The following TNFSF13B variants were observed in gnomAD, a reference collection of about 807,000 sequenced individuals.
TNFSF13B encodes the protein tumor necrosis factor ligand superfamily member 13B.
In TNFSF13B, 8 loss-of-function variants were observed where a neutral mutation model predicts 29.1. The observed-to-expected ratio is 0.27, with a 90% CI of 0.16 to 0.50. The LOEUF is 0.50. TNFSF13B is among the 20% of genes least tolerant of loss of function. TNFSF13B has a pLI of 0.98. For synonymous variants in TNFSF13B, 125 were observed against 130.8 expected (o/e 0.96, Z 0.30); for missense variants, 248 against 334.9 (o/e 0.74, Z 2.03).
intron 4 of TNFSF13B, 31 bp downstream of exon 4, chr13:108,303,396 G>C (rs780239808): frequency 6.2e-7 from 1 of 1,609,644 alleles, no homozygotes; most frequent in Non-Finnish European, 8.5e-7. Context: ...TGGTTTTACT[G>C]TTCAAAGCCT....
rs761252562 is a variant in TNFSF13B, at chr13:108,270,223, G to A, written c.328G>A (p.Ala110Thr). 1.6e-5 allele frequency: 25 copies of A among 1,605,080 alleles called. No homozygotes were observed. Among genetic ancestry groups the A allele is most frequent in the Non-Finnish European group, 2.1e-5 (25 of 1,177,924 alleles). Residue 110 changes from alanine to threonine, a missense_variant, in exon 1 of 6, where the codon GCG becomes ACG. Ala to Thr is a moderately conservative substitution (Grantham distance 58). Around this residue, in one of 2 missense-constraint regions of TNFSF13B, gnomAD observed 186 missense variants for 196.3 expected, o/e 0.95. Coordinates refer to ENST00000375887, the MANE Select transcript of TNFSF13B (RefSeq NM_006573.5). Reference sequence around the variant, plus strand: ...CCTGGAGGAAGCTCCAGCTGTCACCGCGGGACTGAAAGTGAGTTTGCAGCA... The same window carrying A: ...CCTGGAGGAAGCTCCAGCTGTCACCACGGGACTGAAAGTGAGTTTGCAGCA... Reference protein sequence around the residue: ...AGLEEAPAVTAGLKIFEPPAP... With the variant: ...AGLEEAPAVTTGLKIFEPPAP...
intron 2 of TNFSF13B, among the ~76,000 whole-genome samples, chr13:108,284,483 C>T (rs1009374104): frequency 6.6e-6 from 1 of 152,206 alleles, no homozygotes; most frequent in African/African-American, 2.4e-5. Context: ...CGGTGTCCTT[C>T]CATGATGTTT....
chr13:108,285,762 A>AAG (rs1376314433), intron 2 of TNFSF13B, among the ~76,000 whole-genome samples: 2 of 152,210 alleles, frequency 1.3e-5, no homozygotes, highest in Non-Finnish European at 2.9e-5. Context: ...ATACATTGAG[A>AAG]AGCATCTTTA....
chr13:108,296,790 G>A (rs921942769), intron 3 of TNFSF13B, among the ~76,000 whole-genome samples: 2 of 144,176 alleles, frequency 1.4e-5, no homozygotes, highest in African/African-American at 5.2e-5. Context: ...TATCATAGTT[G>A]TTATTCTGGT....
At chr13:108,277,041 A>G (rs1880781722) in intron 2 of TNFSF13B, among the ~76,000 whole-genome samples, 1 of 152,200 alleles carries the variant, frequency 6.6e-6, no homozygotes, top group African/African-American at 2.4e-5. Flanking sequence ...CTGTTTCTGC[A>G]AATATCTGAG....
chr13:108,278,512 A>C (rs1234188289), intron 2 of TNFSF13B, among the ~76,000 whole-genome samples: 1 of 139,846 alleles, frequency 7.2e-6, no homozygotes, highest in Non-Finnish European at 1.6e-5. Context: ...TAAATTTGTA[A>C]ATTTTTGCAA....
rs188752761 is a variant in TNFSF13B at position 108,307,955 on chromosome 13, T to A, written c.*1017T>A. ...GCATCCTGAAGTATGTCACATAGCA[T>A]GTGCTCCTTATAAATATGTTGATAT... On this transcript the variant is annotated 3_prime_UTR_variant, in exon 6 of 6. Coordinates refer to ENST00000375887, the MANE Select transcript of TNFSF13B (RefSeq NM_006573.5). 5.9e-5 allele frequency: 9 copies of A among 152,246 alleles called. No individual in the cohort carries two copies. The highest frequency in any genetic ancestry group is 2.2e-4 in the African/African-American group (9 of 41,574). 9.4% of individuals were successfully genotyped at this position (152,246 alleles called of 1,614,324 possible). A position where few individuals can be genotyped will look rare whatever the true frequency, so the allele number is the denominator to read the frequency against.
chr13:108,298,995 C>A lies in TNFSF13B; in HGVS notation c.482-4258C>A, dbSNP rs1006815915. ...AACAAACAAACAAACAAACAAAAAA[C>A]AAACAAACAAACAAAACATTGCATT... is the stretch of plus-strand genomic sequence containing the variant. On this transcript the variant is annotated intron_variant, in intron 3 of 5. Coordinates refer to ENST00000375887, the MANE Select transcript of TNFSF13B (RefSeq NM_006573.5). Among the ~76,000 whole-genome samples, 4 of 137,122 alleles carry A rather than the reference C, an allele frequency of 2.9e-5. 1 individual carries two copies. In the Middle Eastern group the frequency reaches 0.011, roughly 367 times the overall value. 90.0% of individuals were successfully genotyped at this position (137,122 alleles called of 152,430 possible).
intron 4 of TNFSF13B, 22 bp from the exon 5 acceptor site, chr13:108,303,432 A>G (rs1881685548): frequency 6.2e-7 from 1 of 1,609,500 alleles, no homozygotes; most frequent in African/African-American, 1.3e-5. Context: ...TTTCTGACAC[A>G]GTTTTTTGGT....
intron 3 of TNFSF13B, among the ~76,000 whole-genome samples, chr13:108,292,197 A>C (rs1881337247): frequency 6.6e-6 from 1 of 152,014 alleles, no homozygotes; most frequent in Admixed American, 6.6e-5. Context: ...CACCTATTTT[A>C]GATGGTTTAT....
At chr13:108,287,198 C>G (rs1250004717) in intron 3 of TNFSF13B, among the ~76,000 whole-genome samples, 1 of 151,782 alleles carries the variant, frequency 6.6e-6, no homozygotes, top group Non-Finnish European at 1.5e-5. Flanking sequence ...TGCAGCACAC[C>G]AACATGGCAC....
chr13:108,287,184 T>C (rs1041644044), intron 3 of TNFSF13B, among the ~76,000 whole-genome samples: 9 of 151,872 alleles, frequency 5.9e-5, no homozygotes, highest in African/African-American at 1.7e-4. Flanking sequence ...GACGAGTTAA[T>C]GGGTGCAGCA....
At chr13:108,293,960 A>G (rs1161985037) in intron 3 of TNFSF13B, among the ~76,000 whole-genome samples, 1 of 152,198 alleles carries the variant, frequency 6.6e-6, no homozygotes, top group Non-Finnish European at 1.5e-5. Context: ...CCCTAATACC[A>G]TCACATTGGA....
intron 2 of TNFSF13B, among the ~76,000 whole-genome samples, chr13:108,275,817 G>A (rs755341732): frequency 3.3e-5 from 5 of 152,092 alleles, no homozygotes; most frequent in African/African-American, 4.8e-5. Context: ...CTAAATTCTA[G>A]ACTTAATTTG....
chr13:108,305,336 A>C (rs1881741864), intron 5 of TNFSF13B, among the ~76,000 whole-genome samples: 1 of 152,192 alleles, frequency 6.6e-6, no homozygotes, highest in Non-Finnish European at 1.5e-5. Context: ...AGAACCACTT[A>C]TATACCTAAA....
intron 2 of TNFSF13B, among the ~76,000 whole-genome samples, chr13:108,276,363 G>T (rs1474650041): frequency 6.6e-6 from 1 of 152,156 alleles, no homozygotes; most frequent in Non-Finnish European, 1.5e-5. Context: ...ACTGGCTTCT[G>T]TTCAACTTCT....
intron 2 of TNFSF13B, among the ~76,000 whole-genome samples, chr13:108,280,501 G>C (rs1880908889): frequency 6.6e-6 from 1 of 152,098 alleles, no homozygotes. Flanking sequence ...CATCAGGTTG[G>C]TTTACACGTG....
chr13:108,293,068 G>A (rs1881367372), intron 3 of TNFSF13B, among the ~76,000 whole-genome samples: 1 of 151,926 alleles, frequency 6.6e-6, no homozygotes, highest in Non-Finnish European at 1.5e-5. Flanking sequence ...TTATATTTAG[G>A]TAATTAATCT....
In TNFSF13B at chr13:108,303,611, A is replaced by G. The variant is rs1196651414; in HGVS notation, c.745+7A>G. The G allele has an allele frequency of 3.9e-5, 62 of 1,609,740 alleles. No homozygotes were observed. The highest frequency in any genetic ancestry group is 4.9e-5 in the Non-Finnish European group (58 of 1,178,396). On this transcript the variant is annotated splice_region_variant and intron_variant, in intron 5 of 5. Transcript: ENST00000375887. ...AATTCCTGCTATTCAGCTGGTAAAT[A>G]TTAGTTCTCACACCCTGCTAATTGT...
Sources: allele counts gnomAD v4.1 joint callset (sites outside exome capture counted in the v4.1 genomes callset), GRCh38; gene constraint gnomAD v4.1.1; regional missense constraint gnomAD v4.1.1; transcripts MANE v1.5; gene names NCBI Gene and HGNC (gene_info 2026-07-23, HGNC 2026-07-21).